The following ZNF462 variants were observed in gnomAD, a reference collection of about 807,000 sequenced individuals.
The protein encoded by ZNF462 is zinc finger protein 462.
A neutral mutation model predicts 201.9 loss-of-function variants in ZNF462; 10 were observed. That is an observed-to-expected ratio of 0.05 (90% CI 0.03 to 0.08). The LOEUF (loss-of-function observed/expected upper bound fraction) is 0.08, where lower values mean the gene tolerates loss of function less well. ZNF462 is among the 10% of genes least tolerant of loss of function. The pLI is 1.00. For synonymous variants in ZNF462, 1,227 were observed against 1,193.3 expected (o/e 1.03, Z -0.58); for missense variants, 2,523 against 3,168.3 (o/e 0.80, Z 4.89).
upstream of ZNF462, among the ~76,000 whole-genome samples, chr9:106,861,974 G>T (rs7863663): frequency 0.39 from 59,923 of 151,952 alleles, 12,456 homozygotes; most frequent in African/African-American, 0.52. Flanking sequence ...TTAAGCAGGC[G>T]TTCTTTTTTT....
rs763909166 is a variant in ZNF462 at position 106,926,405 on chromosome 9, T to C, written c.2493T>C (p.Ser831=). 1.2e-6 allele frequency: 2 copies of C among 1,614,118 alleles called. No individual in the cohort carries two copies. The highest frequency in any genetic ancestry group is 2.2e-5 in the South Asian group (2 of 91,076). ...CCATCTATGGGACTGAGCACAATAG[T>C]GAAAACACAGACTTTGGTGACTCTG... ...QTPIYGTEHN[S]ENTDFGDSGR... is the part of the protein sequence containing the mutation. The change falls in exon 3 of 13, where the codon AGT becomes AGC. Residue 831 remains serine (S), a synonymous_variant. Coordinates refer to ENST00000277225, the MANE Select transcript of ZNF462 (RefSeq NM_021224.6). This position sits in a 1 kb window ranked among gnomAD's most constrained non-coding sequence, Gnocchi z 7.9.
At chr9:106,910,372 T>G (rs1829496803) in intron 1 of ZNF462, among the ~76,000 whole-genome samples, 1 of 145,338 alleles carries the variant, frequency 6.9e-6, no homozygotes, top group South Asian at 2.1e-4. Flanking sequence ...GTTTTTTTTT[T>G]TTTTTTTTTT....
At chr9:107,000,320 A>G (rs1019441336) in intron 10 of ZNF462, among the ~76,000 whole-genome samples, 2 of 151,880 alleles carry the variant, frequency 1.3e-5, no homozygotes, top group Non-Finnish European at 2.9e-5. Context: ...AGAGACTGAC[A>G]TGAAGAGACT....
intron 1 of ZNF462, among the ~76,000 whole-genome samples, chr9:106,877,534 C>T (rs1251167370): frequency 1.3e-5 from 2 of 151,654 alleles, no homozygotes; most frequent in South Asian, 2.1e-4. Flanking sequence ...GGACTACAGG[C>T]ATGCACCACC....
At chr9:106,862,597 A>C (rs1463357100), upstream of ZNF462, among the ~76,000 whole-genome samples, 4 of 144,074 alleles carry the variant, frequency 2.8e-5, no homozygotes, top group Non-Finnish European at 4.6e-5. This position sits in a 1 kb window ranked among gnomAD's most constrained non-coding sequence, Gnocchi z 4.2. Context: ...CTCCACCACC[A>C]CCTCCTCCTC....
rs1416625662 is a variant in ZNF462 at position 106,930,162 on chromosome 9, G to A, written c.5848-363G>A. Reference sequence around the variant, plus strand: ...TCAGTGTTTGCTACATGAACCTAACGTCTCCAGGAGTAGATTTTATTTTAT... The same window carrying A: ...TCAGTGTTTGCTACATGAACCTAACATCTCCAGGAGTAGATTTTATTTTAT... On this transcript the variant is annotated intron_variant, in intron 3 of 12. Transcript: ENST00000277225. This position sits in a 1 kb window ranked among gnomAD's most constrained non-coding sequence, Gnocchi z 5.8. 3.3e-5 allele frequency among the ~76,000 whole-genome samples: 5 copies of A among 152,090 alleles called. No individual in the cohort carries two copies. Among genetic ancestry groups the A allele is most frequent in the Middle Eastern group, 3.2e-3 (1 of 316 alleles).
rs748033034 is a variant in ZNF462 at position 107,005,012 on chromosome 9, A to G, written c.7189+1586A>G. ...CTCATTTCACTTAATGTAATGTTCT[A>G]CAAGTTTATCTATGTTGTCACAAAT... On this transcript the variant is annotated intron_variant, in intron 11 of 12. Coordinates refer to ENST00000277225, the MANE Select transcript of ZNF462 (RefSeq NM_021224.6). The surrounding 1 kb of genome is among the most constrained non-coding windows in gnomAD (Gnocchi z 4.4). Among the ~76,000 whole-genome samples, 3 of 152,096 alleles carry G rather than the reference A, an allele frequency of 2.0e-5. No homozygotes were observed. The highest frequency in any genetic ancestry group is 2.9e-5 in the Non-Finnish European group (2 of 68,016).
rs1828279351 is a variant in ZNF462, at chr9:106,885,529, C to T, written c.-31+22174C>T. On this transcript the variant is annotated intron_variant, in intron 1 of 12. Coordinates refer to ENST00000277225, the MANE Select transcript of ZNF462 (RefSeq NM_021224.6). This position sits in a 1 kb window ranked among gnomAD's most constrained non-coding sequence, Gnocchi z 4.1. ...TTTAAAGTTATTTTGAGGAGTTGGA[C>T]ACTACCTACTAGGTTCCTAATGCTT... Among the ~76,000 whole-genome samples, 3 of 152,164 alleles carry T rather than the reference C, an allele frequency of 2.0e-5. No homozygotes were observed. In the South Asian group the frequency reaches 6.2e-4, roughly 32 times the overall value.
At chr9:106,862,975 C>G, upstream of ZNF462, 1 of 396,316 alleles carries the variant, frequency 2.5e-6, no homozygotes, top group East Asian at 3.6e-5. The surrounding 1 kb of genome is among the most constrained non-coding windows in gnomAD (Gnocchi z 4.2). Context: ...CTTGCTTTCT[C>G]TCTCCCCCTG....
chr9:106,873,407 T>A (rs553081082), intron 1 of ZNF462, among the ~76,000 whole-genome samples: 1 of 151,054 alleles, frequency 6.6e-6, no homozygotes, highest in African/African-American at 2.5e-5. Context: ...CAGGAAGATA[T>A]GCTGGTGACT....
rs983472786 is a variant in ZNF462, at chr9:106,920,395, T to C, written c.-30-2959T>C. On this transcript the variant is annotated intron_variant, in intron 1 of 12. Transcript: ENST00000277225. This position sits in a 1 kb window ranked among gnomAD's most constrained non-coding sequence, Gnocchi z 4.3. ...TCTGTCAGCGTCTTCAGGAGAAATG[T>C]GTACACAAAAGCAAGATGGCTTTCA... is the stretch of plus-strand genomic sequence containing the variant. Among the ~76,000 whole-genome samples, 10 of 152,236 alleles carry C rather than the reference T, an allele frequency of 6.6e-5. No individual in the cohort carries two copies. Among genetic ancestry groups the C allele is most frequent in the Admixed American group, 2.6e-4 (4 of 15,288 alleles).
In ZNF462 at chr9:106,890,216, TTGACTGAGCTGTG is replaced by T. The variant is rs1320090817; in HGVS notation, c.-31+26863_-31+26875del. ...AACTATATGTGAGAATTTCGTGGCC[TTGACTGAGCTGTG>T]TATGGCCTCACTCTTCAATTCTGTT... On this transcript the variant is annotated intron_variant, in intron 1 of 12. Coordinates refer to ENST00000277225, the MANE Select transcript of ZNF462 (RefSeq NM_021224.6). This position sits in a 1 kb window ranked among gnomAD's most constrained non-coding sequence, Gnocchi z 4.2. Among the ~76,000 whole-genome samples the T allele has an allele frequency of 6.6e-6, 1 of 152,370 alleles. No individual in the cohort carries two copies. The highest frequency in any genetic ancestry group is 2.4e-5 in the African/African-American group (1 of 41,586).
At chr9:106,915,813 G>A (rs928354945) in intron 1 of ZNF462, among the ~76,000 whole-genome samples, 4 of 152,162 alleles carry the variant, frequency 2.6e-5, no homozygotes, top group African/African-American at 9.7e-5. Context: ...TCCTCACAGG[G>A]TAGTTATATT....
rs1831872141 is a variant in ZNF462, at chr9:106,962,157, A to G, written c.6428-9848A>G. Among the ~76,000 whole-genome samples the G allele has an allele frequency of 6.6e-6, 1 of 152,068 alleles. No homozygotes were observed. Among genetic ancestry groups the G allele is most frequent in the Non-Finnish European group, 1.5e-5 (1 of 67,974 alleles). ...AGAAGAAACTGGAAAATGGAATGCCAGTTAGGAACATGTTGCAGTAGAAGT... is the reference window on the plus strand; with the variant it reads ...AGAAGAAACTGGAAAATGGAATGCCGGTTAGGAACATGTTGCAGTAGAAGT... On this transcript the variant is annotated intron_variant, in intron 7 of 12. Transcript: ENST00000277225. This position sits in a 1 kb window ranked among gnomAD's most constrained non-coding sequence, Gnocchi z 4.6.
chr9:106,988,824 T>C (rs1828048012), intron 10 of ZNF462, among the ~76,000 whole-genome samples: 1 of 152,128 alleles, frequency 6.6e-6, no homozygotes, highest in South Asian at 2.1e-4. Context: ...GGGTTCTTGA[T>C]TTGATTCTCC....
intron 1 of ZNF462, among the ~76,000 whole-genome samples, chr9:106,918,993 G>A (rs1396266686): frequency 2.0e-5 from 3 of 152,212 alleles, no homozygotes; most frequent in African/African-American, 7.2e-5. Context: ...ACCTTATGGT[G>A]TTTCTGGTTC....
chr9:106,951,642 G>C (rs189403652), intron 7 of ZNF462, among the ~76,000 whole-genome samples: 1 of 152,132 alleles, frequency 6.6e-6, no homozygotes, highest in Non-Finnish European at 1.5e-5. Context: ...AGGCAGAGCA[G>C]CTTTCACTGT....
chr9:106,923,020 T>G lies in ZNF462; in HGVS notation c.-30-334T>G, dbSNP rs1474397039. ...TCCAAGGCAGAACCAAAGCCAACAT[T>G]AAGTTACCAAGAAATTTGGATTCAG... On this transcript the variant is annotated intron_variant, in intron 1 of 12. Transcript: ENST00000277225. The surrounding 1 kb of genome is among the most constrained non-coding windows in gnomAD (Gnocchi z 5.6). Among the ~76,000 whole-genome samples, 1 of 152,190 alleles carries G rather than the reference T, an allele frequency of 6.6e-6. No individual in the cohort carries two copies. Among genetic ancestry groups the G allele is most frequent in the Non-Finnish European group, 1.5e-5 (1 of 68,012 alleles).
chr9:106,969,487 G>A (rs1826474847), intron 7 of ZNF462, among the ~76,000 whole-genome samples: 1 of 152,194 alleles, frequency 6.6e-6, no homozygotes, highest in Non-Finnish European at 1.5e-5. Flanking sequence ...TCCTTGGAGG[G>A]GGTCTGCCTG....
Sources: gnomAD v4.1 joint callset for allele counts (sites outside exome capture counted in the v4.1 genomes callset) on GRCh38, gnomAD v4.1.1 for gene constraint, Gnocchi (gnomAD v3.1) non-coding constraint, MANE v1.5 for transcripts, NCBI Gene and HGNC (gene_info 2026-07-23, HGNC 2026-07-21) for gene names.